CALN1: variants seen among roughly 807,000 people sequenced by gnomAD.
CALN1 encodes the protein calcium-binding protein 8.
In CALN1, 17 loss-of-function variants were observed where a neutral mutation model predicts 30.6. That is an observed-to-expected ratio of 0.56 (90% CI 0.38 to 0.83). The LOEUF (loss-of-function observed/expected upper bound fraction) is 0.83, where lower values mean the gene tolerates loss of function less well. CALN1 is among the 40% of genes least tolerant of loss of function. CALN1 has a pLI of 0.00. For synonymous variants in CALN1, 156 were observed against 131.4 expected (o/e 1.19, Z -1.28); for missense variants, 291 against 354.9 (o/e 0.82, Z 1.45).
At chr7:72,316,107 C>T (rs528953597) in intron 2 of CALN1, among the ~76,000 whole-genome samples, 2 of 151,506 alleles carry the variant, frequency 1.3e-5, no homozygotes, top group South Asian at 4.2e-4. Flanking sequence ...GCTGAGATTG[C>T]ACCACTGCAC....
intron 4 of CALN1, among the ~76,000 whole-genome samples, chr7:72,085,590 G>A (rs973470356): frequency 2.6e-5 from 4 of 152,144 alleles, no homozygotes; most frequent in South Asian, 2.1e-4. Flanking sequence ...GGATAAGGAG[G>A]GGTTATTATA....
At chr7:72,404,359 T>C (rs370353704) in intron 1 of CALN1, among the ~76,000 whole-genome samples, 160 of 152,356 alleles carry the variant, frequency 1.1e-3, no homozygotes, top group African/African-American at 3.7e-3. Context: ...TAAATATGTA[T>C]TGAACACACA....
At chr7:71,909,903 T>A (rs187695984) in intron 5 of CALN1, among the ~76,000 whole-genome samples, 75 of 152,296 alleles carry the variant, frequency 4.9e-4, no homozygotes, top group African/African-American at 1.7e-3. Context: ...CTGGGTAATT[T>A]ATAAAGAAAA....
intron 5 of CALN1, among the ~76,000 whole-genome samples, chr7:71,929,156 T>C (rs1454492042): frequency 6.6e-6 from 1 of 152,228 alleles, no homozygotes. Context: ...AGGGTACATG[T>C]GCAGGATGTG....
chr7:72,341,269 T>C (rs1379078052), intron 2 of CALN1, among the ~76,000 whole-genome samples: 2 of 152,170 alleles, frequency 1.3e-5, no homozygotes, highest in Admixed American at 6.5e-5. Context: ...AAGCCTGTAA[T>C]CCCAGCACTT....
chr7:72,131,153 G>C (rs1488746077), intron 3 of CALN1, among the ~76,000 whole-genome samples: 1 of 152,142 alleles, frequency 6.6e-6, no homozygotes, highest in Non-Finnish European at 1.5e-5. Flanking sequence ...AGAAAAGCCA[G>C]CAGACCATTA....
At chr7:72,272,824 T>C (rs907662303) in intron 3 of CALN1, among the ~76,000 whole-genome samples, 4 of 152,146 alleles carry the variant, frequency 2.6e-5, no homozygotes, top group African/African-American at 9.7e-5. Flanking sequence ...AGCAGCACCC[T>C]TTTTTAAGCT....
chr7:71,991,363 A>G (rs916238624), intron 5 of CALN1, among the ~76,000 whole-genome samples: 6 of 151,928 alleles, frequency 3.9e-5, no homozygotes, highest in Admixed American at 2.6e-4. Context: ...GGAGGCTGTG[A>G]CAGGAGAATC....
chr7:71,900,230 GTTA>G (rs1793776692), intron 5 of CALN1, among the ~76,000 whole-genome samples: 1 of 152,044 alleles, frequency 6.6e-6, no homozygotes, highest in Admixed American at 6.6e-5. Flanking sequence ...AATAACTATG[GTTA>G]TTTTTTTAAA....
chr7:71,895,183 G>A (rs1584465060), intron 5 of CALN1, among the ~76,000 whole-genome samples: 1 of 152,224 alleles, frequency 6.6e-6, no homozygotes, highest in Non-Finnish European at 1.5e-5. Flanking sequence ...TCAAACTCCT[G>A]GGCCCAAGCA....
chr7:71,977,991 A>G (rs28411707), intron 5 of CALN1, among the ~76,000 whole-genome samples: 25,536 of 149,780 alleles, frequency 0.17, 3,134 homozygotes, highest in East Asian at 0.38. Context: ...CTTCATGCCC[A>G]CCAGCTCCTG....
chr7:72,107,444 G>A (rs982158317), intron 3 of CALN1, among the ~76,000 whole-genome samples: 1 of 152,170 alleles, frequency 6.6e-6, no homozygotes, highest in Non-Finnish European at 1.5e-5. Context: ...TTTGCCCCTG[G>A]GCTAGCAGAG....
chr7:72,367,689 G>A (rs988865430), intron 2 of CALN1, among the ~76,000 whole-genome samples: 4 of 152,062 alleles, frequency 2.6e-5, no homozygotes, highest in Admixed American at 2.6e-4. Flanking sequence ...ATAAAAATTA[G>A]CCAGGTTTGG....
At chr7:71,992,088 T>C (rs1465569163) in intron 5 of CALN1, among the ~76,000 whole-genome samples, 2 of 151,984 alleles carry the variant, frequency 1.3e-5, no homozygotes, top group Non-Finnish European at 1.5e-5. Context: ...GAAGACCCCT[T>C]CTCTGTTCAC....
At chr7:72,068,994 G>C (rs1360470802) in intron 4 of CALN1, among the ~76,000 whole-genome samples, 1 of 152,224 alleles carries the variant, frequency 6.6e-6, no homozygotes, top group Non-Finnish European at 1.5e-5. Context: ...CTTGGAAGTA[G>C]ATATAGACTG....
intron 3 of CALN1, among the ~76,000 whole-genome samples, chr7:72,241,072 T>C (rs751549968): frequency 1.1e-4 from 17 of 152,208 alleles, no homozygotes; most frequent in Non-Finnish European, 2.1e-4. Context: ...ACCATTTCAA[T>C]TCCAATCTAG....
chr7:72,018,583 T>G (rs759542273), intron 5 of CALN1, among the ~76,000 whole-genome samples: 13 of 152,136 alleles, frequency 8.5e-5, no homozygotes, highest in Non-Finnish European at 1.8e-4. Context: ...GGGCTGAGCG[T>G]ATGCCGGGAG....
intron 2 of CALN1, among the ~76,000 whole-genome samples, chr7:72,352,828 A>G (rs1202382067): frequency 6.6e-6 from 1 of 152,142 alleles, no homozygotes. Flanking sequence ...AAAATGAAAT[A>G]AAACATCATA....
intron 3 of CALN1, among the ~76,000 whole-genome samples, chr7:72,247,093 C>T (rs1053227102): frequency 6.6e-6 from 1 of 151,658 alleles, no homozygotes; most frequent in Non-Finnish European, 1.5e-5. Context: ...ACAGACAGCC[C>T]AGTGTATGCC....
Sources: allele counts gnomAD v4.1 joint callset (sites outside exome capture counted in the v4.1 genomes callset), GRCh38; gene constraint gnomAD v4.1.1; transcripts MANE v1.5; gene names NCBI Gene and HGNC (gene_info 2026-07-23, HGNC 2026-07-21).